The following ERGIC1 variants were observed in gnomAD, a reference collection of about 807,000 sequenced individuals.
ERGIC1 encodes endoplasmic reticulum-Golgi intermediate compartment protein 1.
In ERGIC1, 19 loss-of-function variants were observed where a neutral mutation model predicts 38.3. The observed-to-expected ratio is 0.50, with a 90% confidence interval of 0.35 to 0.73. The LOEUF is 0.73. ERGIC1 is among the 30% of genes least tolerant of loss of function. The pLI, the probability that ERGIC1 is intolerant of heterozygous loss-of-function variation, is 0.01. For synonymous variants in ERGIC1, 124 were observed against 157.6 expected, an observed-to-expected ratio of 0.79 and a Z score of 1.60; for missense variants, 294 against 389.2, an observed-to-expected ratio of 0.76 and a Z score of 2.06.
intron 9 of ERGIC1, 159 bp downstream of exon 9, chr5:172,935,469 T>C: frequency 2.3e-6 from 2 of 856,638 alleles, no homozygotes; most frequent in Non-Finnish European, 3.5e-6. Context: ...ACCCCAAGGA[T>C]GCTGAGAAAT....
chr5:172,851,149 C>T (rs113567546), intron 1 of ERGIC1, among the ~76,000 whole-genome samples: 14,776 of 143,926 alleles, frequency 0.1, 1,108 homozygotes, highest in African/African-American at 0.21. Context: ...TGCAGTGAGC[C>T]GAGATTGCAC....
At position 172,896,300 on chromosome 5, in the gene ERGIC1, G is replaced by A. The variant is rs1002442473; in HGVS notation, c.83-702G>A. 1.4e-4 allele frequency among the ~76,000 whole-genome samples: 21 copies of A among 152,168 alleles called. 1 individual carries two copies. The highest frequency in any genetic ancestry group is 4.3e-4 in the African/African-American group (18 of 41,434). On this transcript the variant is annotated intron_variant, in intron 2 of 9. Transcript: ENST00000393784. ...GGAAGTTGCAGTGAGCCGAGATTGC[G>A]CCACTGCACTCCAGCCTGGGCAACA...
chr5:172,855,032 C>G (rs967364717), intron 1 of ERGIC1, among the ~76,000 whole-genome samples: 1 of 152,270 alleles, frequency 6.6e-6, no homozygotes, highest in Admixed American at 6.5e-5. Flanking sequence ...TTTTTAGCTA[C>G]CAGGGTTCTG....
At chr5:172,887,792 A>G (rs498221) in intron 1 of ERGIC1, among the ~76,000 whole-genome samples, 132,723 of 152,256 alleles carry the variant, frequency 0.87, 58,600 homozygotes, top group Non-Finnish European at 0.94. Context: ...AGCTGATGCT[A>G]AGACCGTGGG....
intron 2 of ERGIC1, among the ~76,000 whole-genome samples, chr5:172,895,502 G>A (rs1237222713): frequency 5.3e-5 from 8 of 152,140 alleles, no homozygotes; most frequent in South Asian, 2.1e-4. Context: ...ACTCTCTGCC[G>A]TACACAATAC....
intron 7 of ERGIC1, chr5:172,931,128 G>A (rs1410879143): frequency 1.3e-5 from 2 of 152,140 alleles, no homozygotes; most frequent in African/African-American, 4.8e-5. Flanking sequence ...ACCAGGCTTA[G>A]AACCCACAGG....
intron 3 of ERGIC1, 119 bp from the exon 4 acceptor site, chr5:172,909,548 A>C: frequency 1.2e-6 from 1 of 857,346 alleles, no homozygotes. Context: ...GGCTCTGCCC[A>C]GGTGGAGTCT....
chr5:172,861,077 C>T (rs555636109), intron 1 of ERGIC1, among the ~76,000 whole-genome samples: 1 of 152,320 alleles, frequency 6.6e-6, no homozygotes, highest in East Asian at 1.9e-4. Context: ...CCTGCAGGGC[C>T]TGTGGGATGT....
At chr5:172,856,864 A>G (rs1435850908) in intron 1 of ERGIC1, among the ~76,000 whole-genome samples, 1 of 152,130 alleles carries the variant, frequency 6.6e-6, no homozygotes, top group African/African-American at 2.4e-5. Context: ...ATCCCTATTT[A>G]TGAGGTGGGA....
chr5:172,840,864 G>A (rs1430122304), intron 1 of ERGIC1, among the ~76,000 whole-genome samples: 1 of 152,186 alleles, frequency 6.6e-6, no homozygotes, highest in Non-Finnish European at 1.5e-5. Flanking sequence ...TCATTAAAAT[G>A]TATAAAGCCC....
intron 1 of ERGIC1, among the ~76,000 whole-genome samples, chr5:172,857,477 A>G (rs1472081902): frequency 6.6e-6 from 1 of 152,092 alleles, no homozygotes; most frequent in Non-Finnish European, 1.5e-5. Flanking sequence ...GTGTGCAGCA[A>G]TGAACAGTCA....
At chr5:172,868,614 A>G (rs1761929820) in intron 1 of ERGIC1, among the ~76,000 whole-genome samples, 11 of 152,220 alleles carry the variant, frequency 7.2e-5, no homozygotes, top group Admixed American at 7.2e-4. Flanking sequence ...GTGATGCTGC[A>G]GTGATTGATA....
chr5:172,921,089 C>T (rs1319636567), intron 5 of ERGIC1, among the ~76,000 whole-genome samples: 1 of 152,228 alleles, frequency 6.6e-6, no homozygotes, highest in African/African-American at 2.4e-5. Context: ...CGATCTGAGG[C>T]CAGCTGCGGG....
intron 3 of ERGIC1, among the ~76,000 whole-genome samples, chr5:172,899,344 G>T (rs1160211357): frequency 7.3e-6 from 1 of 136,746 alleles, no homozygotes; most frequent in Non-Finnish European, 1.5e-5. Context: ...TGGAGACGGA[G>T]TCTCGCTCTG....
chr5:172,940,283 T>A (rs1344687992), intron 9 of ERGIC1, among the ~76,000 whole-genome samples: 1 of 152,192 alleles, frequency 6.6e-6, no homozygotes, highest in Non-Finnish European at 1.5e-5. Flanking sequence ...TAGCCAGGCT[T>A]CTTGGAGCTT....
intron 2 of ERGIC1, among the ~76,000 whole-genome samples, chr5:172,890,306 A>G (rs981396933): frequency 7.9e-5 from 12 of 152,204 alleles, no homozygotes; most frequent in Admixed American, 5.9e-4. Flanking sequence ...TGAAAAACAC[A>G]AAAGACCGAG....
intron 1 of ERGIC1, among the ~76,000 whole-genome samples, chr5:172,860,283 T>G (rs1761663498): frequency 6.6e-6 from 1 of 152,202 alleles, no homozygotes; most frequent in Admixed American, 6.5e-5. Context: ...CTTGAAGGAC[T>G]TTGGTGATGG....
Position 172,865,118 on chromosome 5 carries a change from G to A in ERGIC1, c.21-23581G>A, listed in dbSNP as rs1484065822. Among the ~76,000 whole-genome samples, 21 of 136,106 alleles carry A rather than the reference G, an allele frequency of 1.5e-4. 1 individual carries two copies. The highest frequency in any genetic ancestry group is 1.7e-4 in the Admixed American group (2 of 11,454). The allele number at this position is 136,106 out of a possible 152,430, so 89.3% of individuals were successfully genotyped here. On this transcript the variant is annotated intron_variant, in intron 1 of 9. Coordinates refer to ENST00000393784, the MANE Select transcript of ERGIC1 (RefSeq NM_001031711.3). ...CACCCAGGCTGGAGTGCAATGGCAC[G>A]ATCTCGGCTCACGGCACCCTCTACT... is the stretch of plus-strand genomic sequence containing the variant.
At chr5:172,857,150 C>T (rs967363845) in intron 1 of ERGIC1, among the ~76,000 whole-genome samples, 17 of 152,290 alleles carry the variant, frequency 1.1e-4, no homozygotes, top group South Asian at 6.2e-4. Context: ...TTTTATGTAT[C>T]TTAAATTAGG....
Sources: allele counts gnomAD v4.1 joint callset (sites outside exome capture counted in the v4.1 genomes callset), GRCh38; gene constraint gnomAD v4.1.1; transcripts MANE v1.5; gene names NCBI Gene and HGNC (gene_info 2026-07-23, HGNC 2026-07-21).